ANKRD28: variants seen among roughly 807,000 people sequenced by gnomAD.
ANKRD28 encodes serine/threonine-protein phosphatase 6 regulatory ankyrin repeat subunit A.
A neutral mutation model predicts 126.5 loss-of-function variants in ANKRD28; 44 were observed. That is an observed-to-expected ratio of 0.35 (90% CI 0.27 to 0.45). The LOEUF is 0.45. Among genes scored for constraint, ANKRD28 ranks in the 20% least tolerant of loss-of-function variants. The pLI is 1.00. For missense variants in ANKRD28, 1,110 were observed against 1,316.6 expected, an observed-to-expected ratio of 0.84 and a Z score of 2.43; for synonymous variants, 442 against 468.5, an observed-to-expected ratio of 0.94 and a Z score of 0.73.
At chr3:15,700,886 T>C (rs1262635725) in intron 14 of ANKRD28, among the ~76,000 whole-genome samples, 1 of 152,174 alleles carries the variant, frequency 6.6e-6, no homozygotes, top group Non-Finnish European at 1.5e-5. Flanking sequence ...AAAAGTGAAA[T>C]AGCCTCTGTT....
At chr3:15,725,327 C>T (rs2074072362) in intron 6 of ANKRD28, among the ~76,000 whole-genome samples, 1 of 152,128 alleles carries the variant, frequency 6.6e-6, no homozygotes, top group Non-Finnish European at 1.5e-5. Context: ...TAACAAGGGA[C>T]AACTATAATT....
intron 8 of ANKRD28, among the ~76,000 whole-genome samples, chr3:15,714,952 C>A (rs1461879740): frequency 6.6e-6 from 1 of 152,120 alleles, no homozygotes; most frequent in African/African-American, 2.4e-5. Context: ...ACTGCTCCAA[C>A]ATTTCCATTC....
chr3:15,829,221 A>C (rs1430127013), intron 1 of ANKRD28, among the ~76,000 whole-genome samples: 4 of 152,124 alleles, frequency 2.6e-5, no homozygotes, highest in Non-Finnish European at 5.9e-5. Flanking sequence ...AATATAAATA[A>C]CTTTATTAAA....
intron 3 of ANKRD28, among the ~76,000 whole-genome samples, chr3:15,755,902 C>G (rs2058128060): frequency 6.6e-6 from 1 of 152,170 alleles, no homozygotes; most frequent in South Asian, 2.1e-4. Context: ...ACTGGCATAG[C>G]CTGTGGTGCG....
chr3:15,773,227 A>G (rs1575621611), intron 2 of ANKRD28, among the ~76,000 whole-genome samples: 1 of 152,228 alleles, frequency 6.6e-6, no homozygotes, highest in Non-Finnish European at 1.5e-5. Flanking sequence ...CTAGCAATTA[A>G]TAAGTGAAAG....
intron 1 of ANKRD28, among the ~76,000 whole-genome samples, chr3:15,851,029 G>A (rs2061640800): frequency 6.6e-6 from 1 of 152,126 alleles, no homozygotes; most frequent in South Asian, 2.1e-4. Context: ...CTGAAGAACT[G>A]GTTGCTTCCT....
intron 14 of ANKRD28, among the ~76,000 whole-genome samples, chr3:15,707,126 T>C (rs1263885023): frequency 6.6e-6 from 1 of 152,234 alleles, no homozygotes; most frequent in Non-Finnish European, 1.5e-5. Flanking sequence ...GTACATTTTA[T>C]AACATCTTTC....
intron 1 of ANKRD28, among the ~76,000 whole-genome samples, chr3:15,841,269 C>T (rs112628777): frequency 0.027 from 4,064 of 152,328 alleles, 183 homozygotes; most frequent in African/African-American, 0.091. Flanking sequence ...GGACACTCTT[C>T]AGGACACTGA....
At chr3:15,733,293 G>T (rs2074782548) in intron 6 of ANKRD28, 1 of 152,272 alleles carries the variant, frequency 6.6e-6, no homozygotes. Context: ...TTTCGAAGGA[G>T]AAATACTGTC....
chr3:15,686,610 G>C (rs1215456159), intron 18 of ANKRD28, among the ~76,000 whole-genome samples: 1 of 152,164 alleles, frequency 6.6e-6, no homozygotes, highest in Non-Finnish European at 1.5e-5. Context: ...TGGTCAGGAA[G>C]AGTGCCTTGA....
intron 1 of ANKRD28, among the ~76,000 whole-genome samples, chr3:15,822,590 G>C (rs772806367): frequency 2.0e-5 from 3 of 151,882 alleles, no homozygotes; most frequent in Non-Finnish European, 2.9e-5. Flanking sequence ...AAGAGAAAAA[G>C]AAATTAACAG....
chr3:15,850,220 T>TAGAGAG (rs1274116099), intron 1 of ANKRD28, among the ~76,000 whole-genome samples: 3 of 49,350 alleles, frequency 6.1e-5, no homozygotes, highest in Middle Eastern at 0.011. Flanking sequence ...TATATATATA[T>TAGAGAG]ATATAGAGAG....
chr3:15,710,432 G>A (rs2072097419), intron 12 of ANKRD28, among the ~76,000 whole-genome samples: 2 of 152,136 alleles, frequency 1.3e-5, no homozygotes, highest in African/African-American at 2.4e-5. Flanking sequence ...TTAACTGGAA[G>A]GTTCTCTGGC....
At chr3:15,734,265 C>T (rs78613011) in intron 6 of ANKRD28, among the ~76,000 whole-genome samples, 9,073 of 152,218 alleles carry the variant, frequency 0.06, 364 homozygotes, top group South Asian at 0.11. Flanking sequence ...AGTTAATATT[C>T]CTCCATTGAA....
chr3:15,852,083 G>A (rs1264032417), intron 1 of ANKRD28, among the ~76,000 whole-genome samples: 1 of 152,162 alleles, frequency 6.6e-6, no homozygotes, highest in Admixed American at 6.5e-5. Context: ...ATAGTTTAGG[G>A]GTAAAAGGTT....
At position 15,797,116 on chromosome 3, in the gene ANKRD28, G is replaced by GA. The variant is rs990036986; in HGVS notation, c.-596dup. On this transcript the variant is annotated 5_prime_UTR_variant, in exon 1 of 28. Coordinates refer to ENST00000683139, the MANE Select transcript of ANKRD28 (RefSeq NM_001349278.2). Reference sequence around the variant, plus strand: ...TGGTTTAATGCAGATACTATTCACAGAAAAAAGATCTAGAGCTCAGCACAA... The same window carrying GA: ...TGGTTTAATGCAGATACTATTCACAGAAAAAAAGATCTAGAGCTCAGCACAA... 6.2e-6 allele frequency: 6 copies of GA among 971,736 alleles called. No homozygotes were observed. The highest frequency in any genetic ancestry group is 1.2e-4 in the East Asian group (1 of 8,034). 60.2% of individuals were successfully genotyped at this position (971,736 alleles called of 1,614,324 possible).
chr3:15,674,174 C>CAAAAAAAAAAAAAAAA (rs34806568), intron 27 of ANKRD28, among the ~76,000 whole-genome samples: 4 of 40,286 alleles, frequency 9.9e-5, no homozygotes, highest in Non-Finnish European at 1.7e-4. Context: ...CCTGCCTCTT[C>CAAAAAAAAAAAAAAAA]AAAAAAAAAA....
At chr3:15,850,218 T>G (rs373744327) in intron 1 of ANKRD28, among the ~76,000 whole-genome samples, 3 of 56,352 alleles carry the variant, frequency 5.3e-5, no homozygotes, top group Middle Eastern at 8.3e-3. Context: ...TATATATATA[T>G]ATATATAGAG....
At chr3:15,732,403 A>T (rs1181321075) in intron 6 of ANKRD28, 1 of 152,382 alleles carries the variant, frequency 6.6e-6, no homozygotes, top group Admixed American at 6.5e-5. Context: ...GAGAGGTGGA[A>T]GATGCTTCAT....
Sources: gnomAD v4.1 joint callset for allele counts (sites outside exome capture counted in the v4.1 genomes callset) on GRCh38, gnomAD v4.1.1 for gene constraint, MANE v1.5 for transcripts, NCBI Gene and HGNC (gene_info 2026-07-23, HGNC 2026-07-21) for gene names.